Variants in SYNPR observed in about 807,000 individuals in gnomAD.
SYNPR encodes the protein synaptoporin.
A neutral mutation model predicts 32.9 loss-of-function variants in SYNPR; 23 were observed. That is an observed-to-expected ratio of 0.70 (90% CI 0.50 to 0.99). The LOEUF is 0.99. Ranked by LOEUF, SYNPR falls within the 50% of genes least tolerant of loss-of-function variation. The pLI is 0.00. For missense variants in SYNPR, 318 were observed against 349.3 expected (o/e 0.91, Z 0.71); for synonymous variants, 146 against 135.9 (o/e 1.07, Z -0.52).
At chr3:63,469,383 C>T (rs183286871) in intron 2 of SYNPR, among the ~76,000 whole-genome samples, 3 of 152,006 alleles carry the variant, frequency 2.0e-5, no homozygotes, top group African/African-American at 7.2e-5. Flanking sequence ...TTCTATCAAG[C>T]AGAAGTATAC....
intron 3 of SYNPR, among the ~76,000 whole-genome samples, chr3:63,481,446 T>C (rs954513172): frequency 1.1e-5 from 1 of 87,966 alleles, no homozygotes; most frequent in Non-Finnish European, 2.3e-5. Flanking sequence ...TATATATATA[T>C]ATATATGTGT....
rs111714778 is a variant in SYNPR, at chr3:63,480,972, T to G, written c.209+16T>G. On this transcript the variant is annotated intron_variant, in intron 3 of 5. Coordinates refer to ENST00000478300, the MANE Select transcript of SYNPR (RefSeq NM_001130003.2). ...ACCCATTCAGGTAGGGAATGGTGGTTCATGCTTGTTAGCCTCACAGGGGGT... is the reference window on the plus strand; with the variant it reads ...ACCCATTCAGGTAGGGAATGGTGGTGCATGCTTGTTAGCCTCACAGGGGGT... 10,040 of 1,607,058 alleles carry G rather than the reference T, an allele frequency of 6.2e-3. 556 individuals carry two copies. In the African/African-American group the frequency reaches 0.12, roughly 19 times the overall value.
intron 3 of SYNPR, among the ~76,000 whole-genome samples, chr3:63,500,054 G>C (rs1419231735): frequency 6.6e-6 from 1 of 152,130 alleles, no homozygotes; most frequent in Non-Finnish European, 1.5e-5. Context: ...TTAAGTAATA[G>C]AAAGTGTGAC....
chr3:63,206,755 G>C, the SYNPR span, among the ~76,000 whole-genome samples: 1 of 152,140 alleles, frequency 6.6e-6, no homozygotes, highest in Non-Finnish European at 1.5e-5. Flanking sequence ...CTCTCCTTGT[G>C]TGGACAGCAT....
the SYNPR span, among the ~76,000 whole-genome samples, chr3:63,219,555 C>G: frequency 6.6e-6 from 1 of 152,102 alleles, no homozygotes; most frequent in Admixed American, 6.5e-5. Flanking sequence ...TTTTGACTCC[C>G]CCAAAACTTA....
chr3:63,572,429 T>C (rs531578322), intron 4 of SYNPR, among the ~76,000 whole-genome samples: 16 of 152,304 alleles, frequency 1.1e-4, no homozygotes, highest in Admixed American at 2.0e-4. Context: ...ACCTGCTGAC[T>C]CTGAGTAAGG....
chr3:63,342,795 G>A (rs551104976), intron 2 of SYNPR, among the ~76,000 whole-genome samples: 1 of 152,158 alleles, frequency 6.6e-6, no homozygotes, highest in Non-Finnish European at 1.5e-5. Context: ...TTCTTTAATG[G>A]TTACAAGACT....
chr3:63,600,454 C>T (rs555357165), intron 4 of SYNPR, among the ~76,000 whole-genome samples: 2 of 152,196 alleles, frequency 1.3e-5, no homozygotes, highest in East Asian at 3.9e-4. Context: ...GTTATTTGTT[C>T]CCACATCTCA....
chr3:63,202,583 G>T, the SYNPR span, among the ~76,000 whole-genome samples: 2 of 106,250 alleles, frequency 1.9e-5, no homozygotes, highest in Non-Finnish European at 4.0e-5. Context: ...GTGGGTTGAG[G>T]ATATGAAAAG....
chr3:63,249,878 G>A lies in SYNPR; in HGVS notation n.67-2621G>A, dbSNP rs76396275. On this transcript the variant is annotated intron_variant and non_coding_transcript_variant, in intron 1 of 4. Coordinates refer to the SYNPR transcript ENST00000478456. ...GCTTTGGGGGATGAATGACACAGCA[G>A]AATGCAAATAACACATAAATAGAGA... Among the ~76,000 whole-genome samples, 1,315 of 152,174 alleles carry A rather than the reference G, an allele frequency of 8.6e-3. 14 individuals are homozygous for A. Among genetic ancestry groups the A allele is most frequent in the African/African-American group, 0.03 (1,232 of 41,532 alleles).
intron 2 of SYNPR, among the ~76,000 whole-genome samples, chr3:63,326,607 C>T (rs145939687): frequency 2.6e-5 from 4 of 152,130 alleles, no homozygotes; most frequent in Middle Eastern, 3.4e-3. Context: ...ACTGAGTGTC[C>T]AGTCTTATCT....
intron 2 of SYNPR, among the ~76,000 whole-genome samples, chr3:63,397,103 CAAAA>C (rs10601486): frequency 3.9e-3 from 387 of 99,176 alleles, no homozygotes; most frequent in Middle Eastern, 0.033. Context: ...GACTCCGTCT[CAAAA>C]AAAAAAAAAA....
chr3:63,231,742 A>G (rs905958468), intron 1 of SYNPR, among the ~76,000 whole-genome samples: 1 of 152,206 alleles, frequency 6.6e-6, no homozygotes, highest in African/African-American at 2.4e-5. Flanking sequence ...CCAAAAAAGC[A>G]CATGGTTCAC....
intron 2 of SYNPR, among the ~76,000 whole-genome samples, chr3:63,448,710 C>T (rs1243619735): frequency 6.6e-6 from 1 of 152,070 alleles, no homozygotes; most frequent in African/African-American, 2.4e-5. Context: ...TACCATGTGC[C>T]AGGCACCATG....
At chr3:63,311,008 G>A (rs62253877) in intron 2 of SYNPR, among the ~76,000 whole-genome samples, 44,648 of 151,604 alleles carry the variant, frequency 0.29, 7,632 homozygotes, top group Non-Finnish European at 0.39. Context: ...TGTCATTTAT[G>A]TGGTATCCTT....
At chr3:63,391,288 A>T (rs1392571003) in intron 2 of SYNPR, among the ~76,000 whole-genome samples, 3 of 152,124 alleles carry the variant, frequency 2.0e-5, no homozygotes. Context: ...ATTTGCACCA[A>T]TGTGTCTCTG....
At chr3:63,299,351 T>A (rs989204827) in intron 2 of SYNPR, among the ~76,000 whole-genome samples, 1 of 152,198 alleles carries the variant, frequency 6.6e-6, no homozygotes, top group African/African-American at 2.4e-5. Context: ...GCCCAATCTC[T>A]CTGACTCTTA....
intron 2 of SYNPR, among the ~76,000 whole-genome samples, chr3:63,257,013 T>C (rs889176156): frequency 9.2e-5 from 14 of 151,976 alleles, no homozygotes; most frequent in African/African-American, 3.4e-4. Flanking sequence ...AAGAAAACTT[T>C]AGAGAAAAAA....
chr3:63,412,268 A>G (rs368996979), intron 2 of SYNPR, among the ~76,000 whole-genome samples: 3 of 152,292 alleles, frequency 2.0e-5, no homozygotes, highest in African/African-American at 7.2e-5. Flanking sequence ...AGAGAAGACA[A>G]TAAGTAGACA....
Sources: allele counts gnomAD v4.1 joint callset (sites outside exome capture counted in the v4.1 genomes callset), GRCh38; gene constraint gnomAD v4.1.1; transcripts MANE v1.5; gene names NCBI Gene and HGNC (gene_info 2026-07-23, HGNC 2026-07-21).